Variants in GRIN2B observed in about 807,000 individuals in gnomAD.
GRIN2B encodes glutamate ionotropic receptor NMDA type subunit 2B.
GRIN2B carries 5 observed loss-of-function variants against 114.5 expected under a neutral mutation model. That is an observed-to-expected ratio of 0.04 (90% CI 0.02 to 0.09). GRIN2B has a LOEUF of 0.09. Among genes scored for constraint, GRIN2B ranks in the 10% least tolerant of loss-of-function variants. GRIN2B has a pLI of 1.00. For missense variants in GRIN2B, 1,108 were observed against 1,943.5 expected (o/e 0.57, Z 8.08); for synonymous variants, 787 against 745.1 (o/e 1.06, Z -0.92).
At chr12:13,611,256 G>C (rs1180225686) in intron 9 of GRIN2B, among the ~76,000 whole-genome samples, 4 of 152,146 alleles carry the variant, frequency 2.6e-5, no homozygotes, top group Admixed American at 2.6e-4. Flanking sequence ...ATGCTTTGGA[G>C]ATCTGGTACC....
intron 2 of GRIN2B, among the ~76,000 whole-genome samples, chr12:13,976,878 C>T (rs976195087): frequency 6.6e-6 from 1 of 152,152 alleles, no homozygotes; most frequent in Admixed American, 6.5e-5. Context: ...CAGCTCAGTC[C>T]TGTTTCTCCC....
chr12:13,612,108 T>C (rs947670057), intron 8 of GRIN2B, among the ~76,000 whole-genome samples: 2 of 152,216 alleles, frequency 1.3e-5, no homozygotes, highest in Admixed American at 6.5e-5. Flanking sequence ...TCTGCCATTA[T>C]TGGACCAATA....
At chr12:13,815,375 GA>G (rs3216542) in intron 3 of GRIN2B, among the ~76,000 whole-genome samples, 291 of 131,030 alleles carry the variant, frequency 2.2e-3, no homozygotes, top group African/African-American at 3.9e-3. Flanking sequence ...GAACAGACAA[GA>G]AAAAAAAAAA....
At chr12:13,608,153 C>T (rs558269513) in intron 10 of GRIN2B, among the ~76,000 whole-genome samples, 8 of 152,320 alleles carry the variant, frequency 5.3e-5, no homozygotes, top group Admixed American at 2.6e-4. Flanking sequence ...TGCTCAGCCC[C>T]AGAAACACGA....
chr12:13,744,653 C>A (rs766099604), intron 4 of GRIN2B, among the ~76,000 whole-genome samples: 1 of 152,124 alleles, frequency 6.6e-6, no homozygotes, highest in Non-Finnish European at 1.5e-5. Context: ...TTGAGGGAAG[C>A]TGTAGGCAGC....
intron 11 of GRIN2B, among the ~76,000 whole-genome samples, chr12:13,570,550 G>A (rs894016473): frequency 2.0e-5 from 3 of 151,062 alleles, no homozygotes; most frequent in African/African-American, 7.4e-5. Flanking sequence ...GGCAGTACAG[G>A]CTTGTGTAAG....
chr12:13,784,427 T>C (rs905355990), intron 3 of GRIN2B, among the ~76,000 whole-genome samples: 1 of 151,896 alleles, frequency 6.6e-6, no homozygotes, highest in Admixed American at 6.6e-5. Context: ...ACATGACAAT[T>C]TGAGCTGTCC....
intron 4 of GRIN2B, among the ~76,000 whole-genome samples, chr12:13,750,258 G>A (rs779953195): frequency 6.6e-6 from 1 of 152,142 alleles, no homozygotes; most frequent in Non-Finnish European, 1.5e-5. Context: ...GACTGAGTAG[G>A]GCCACCTTCC....
At chr12:13,680,739 C>A (rs1260067888) in intron 4 of GRIN2B, among the ~76,000 whole-genome samples, 1 of 152,032 alleles carries the variant, frequency 6.6e-6, no homozygotes, top group Non-Finnish European at 1.5e-5. Flanking sequence ...AGGGTCCTTC[C>A]ATGATCACCA....
At position 13,844,977 on chromosome 12, in the gene GRIN2B, A is replaced by C. The variant is rs187338578; in HGVS notation, c.411+20821T>G. On this transcript the variant is annotated intron_variant, in intron 3 of 13. Transcript: ENST00000609686. ...CTGGAAGACTCCCTGCTTTTCCAGT[A>C]TGAATTTCTGCTGTACACGAATTTC... Among the ~76,000 whole-genome samples, 14 of 152,176 alleles carry C rather than the reference A, an allele frequency of 9.2e-5. No homozygotes were observed. In the East Asian group the frequency reaches 2.7e-3, roughly 29 times the overall value.
In GRIN2B at chr12:13,782,213, T is replaced by A. The variant is rs553292678; in HGVS notation, c.412-28298A>T. On this transcript the variant is annotated intron_variant, in intron 3 of 13. Coordinates refer to ENST00000609686, the MANE Select transcript of GRIN2B (RefSeq NM_000834.5). ...TCAGCAGGAAGGCTACAGAGAAAAA[T>A]GAAGAGTTTTCAGTTCTCCTGACAA... 1.9e-4 allele frequency among the ~76,000 whole-genome samples: 29 copies of A among 151,848 alleles called. No homozygotes were observed. In the East Asian group the frequency reaches 5.6e-3, roughly 29 times the overall value.
At chr12:13,845,071 G>A (rs758649431) in intron 3 of GRIN2B, among the ~76,000 whole-genome samples, 5 of 152,070 alleles carry the variant, frequency 3.3e-5, no homozygotes, top group Non-Finnish European at 7.4e-5. Context: ...GGAGTAAAGG[G>A]GCTGACTTCA....
At chr12:13,616,950 C>G (rs1245604388) in intron 5 of GRIN2B, among the ~76,000 whole-genome samples, 1 of 152,248 alleles carries the variant, frequency 6.6e-6, no homozygotes, top group African/African-American at 2.4e-5. Flanking sequence ...AAGCATCATT[C>G]TATCCTTCAT....
In GRIN2B at chr12:13,563,164, A is replaced by G; in HGVS notation, c.4074T>C (p.Thr1358=). 2 of 1,614,196 alleles carry G rather than the reference A, an allele frequency of 1.2e-6. No homozygotes were observed. The highest frequency in any genetic ancestry group is 1.7e-5 in the Admixed American group (1 of 60,026). ...TFANNKSSVP[T]AGHHHHNNPG... ...GGTTGTTGTGGTGGTGATGTCCGGC[A>G]GTGGGCACTGAGGACTTGTTGTTGG... The change falls in exon 14 of 14, where the codon ACT becomes ACC. Residue 1358 remains threonine, a synonymous_variant. Coordinates refer to ENST00000609686, the MANE Select transcript of GRIN2B (RefSeq NM_000834.5).
intron 3 of GRIN2B, among the ~76,000 whole-genome samples, chr12:13,771,822 C>G (rs1863914884): frequency 6.6e-6 from 1 of 152,226 alleles, no homozygotes; most frequent in Admixed American, 6.5e-5. Context: ...TTTCATTGTC[C>G]TCATCATCTA....
chr12:13,798,764 T>C (rs1301406759), intron 3 of GRIN2B, among the ~76,000 whole-genome samples: 3 of 152,224 alleles, frequency 2.0e-5, no homozygotes, highest in Non-Finnish European at 4.4e-5. Context: ...GGACAATCAG[T>C]TCATTCTAGA....
intron 3 of GRIN2B, among the ~76,000 whole-genome samples, chr12:13,786,692 G>GA (rs1436235959): frequency 3.9e-5 from 6 of 151,932 alleles, no homozygotes; most frequent in East Asian, 1.9e-4. Context: ...AAAAGGAAAA[G>GA]AAAAAATCCC....
intron 2 of GRIN2B, among the ~76,000 whole-genome samples, chr12:13,975,072 T>C (rs961840677): frequency 6.6e-6 from 1 of 152,182 alleles, no homozygotes; most frequent in Admixed American, 6.5e-5. Flanking sequence ...AACTTAAATA[T>C]ACAGGTTTCT....
At chr12:13,749,951 A>G (rs1197983802) in intron 4 of GRIN2B, among the ~76,000 whole-genome samples, 2 of 152,204 alleles carry the variant, frequency 1.3e-5, no homozygotes, top group African/African-American at 4.8e-5. Flanking sequence ...AGATAAGGGA[A>G]GAATGGAGGT....
Sources: allele counts gnomAD v4.1 joint callset (sites outside exome capture counted in the v4.1 genomes callset), GRCh38; gene constraint gnomAD v4.1.1; transcripts MANE v1.5; gene names NCBI Gene and HGNC (gene_info 2026-07-23, HGNC 2026-07-21).